MARCHF1: variants seen among roughly 807,000 people sequenced by gnomAD.
MARCHF1 encodes the protein E3 ubiquitin-protein ligase MARCHF1.
MARCHF1 carries 40 observed loss-of-function variants against 54.2 expected under a neutral mutation model. That is an observed-to-expected ratio of 0.74 (90% CI 0.57 to 0.96). The LOEUF (loss-of-function observed/expected upper bound fraction) is 0.96. Ranked by LOEUF, MARCHF1 falls within the 40% of genes least tolerant of loss-of-function variation. The pLI is 0.00. For synonymous variants in MARCHF1, 236 were observed against 236.3 expected (o/e 1.00, Z 0.01); for missense variants, 586 against 656.5 (o/e 0.89, Z 1.17).
chr4:163,753,276 A>T (rs1291372688), intron 4 of MARCHF1, among the ~76,000 whole-genome samples: 2 of 151,618 alleles, frequency 1.3e-5, no homozygotes, highest in South Asian at 4.2e-4. Flanking sequence ...TATTATTATT[A>T]TTTTTGCTTC....
intron 1 of MARCHF1, among the ~76,000 whole-genome samples, chr4:164,357,622 G>T (rs970385146): frequency 6.6e-6 from 1 of 152,104 alleles, no homozygotes; most frequent in East Asian, 1.9e-4. Context: ...TTGAAAAATT[G>T]TAATGCAATT....
chr4:163,834,810 T>C (rs1367339585), intron 4 of MARCHF1, among the ~76,000 whole-genome samples: 1 of 152,168 alleles, frequency 6.6e-6, no homozygotes, highest in Non-Finnish European at 1.5e-5. Flanking sequence ...TTTAGGCATA[T>C]ACTCAGATCA....
intron 8 of MARCHF1, among the ~76,000 whole-genome samples, chr4:163,583,082 T>G (rs1169628211): frequency 2.0e-5 from 3 of 152,196 alleles, no homozygotes; most frequent in African/African-American, 7.2e-5. Context: ...TTCAGATCCC[T>G]ACACAAGTGC....
intron 7 of MARCHF1, among the ~76,000 whole-genome samples, chr4:163,593,814 T>G (rs1253240827): frequency 6.6e-6 from 1 of 152,224 alleles, no homozygotes; most frequent in Non-Finnish European, 1.5e-5. Context: ...AAAATACTGA[T>G]GTTTTACAGC....
chr4:164,102,881 G>A lies in MARCHF1; in HGVS notation c.-248+8707C>T, dbSNP rs1290690880. 2.1e-3 allele frequency among the ~76,000 whole-genome samples: 180 copies of A among 87,584 alleles called. 6 individuals carry two copies. Among genetic ancestry groups the A allele is most frequent in the Middle Eastern group, 5.4e-3 (1 of 184 alleles). 57.5% of individuals were successfully genotyped at this position (87,584 alleles called of 152,430 possible). A position where few individuals can be genotyped will look rare whatever the true frequency, so the allele number is the denominator to read the frequency against. On this transcript the variant is annotated intron_variant, in intron 2 of 9. Transcript: ENST00000514618. ...TATTCAGGAAACCCATCTCACGTGC[G>A]GAGACACACGTAGGCTCAAAATAAA...
intron 1 of MARCHF1, among the ~76,000 whole-genome samples, chr4:164,149,302 C>T (rs748895676): frequency 1.2e-4 from 19 of 152,134 alleles, no homozygotes; most frequent in Non-Finnish European, 2.6e-4. Context: ...AATGGACTAA[C>T]TCAGATATAT....
At position 164,149,972 on chromosome 4, in the gene MARCHF1, TTG is replaced by T. The variant is rs547772916; in HGVS notation, c.-322-38312_-322-38311del. 1.2e-4 allele frequency among the ~76,000 whole-genome samples: 18 copies of T among 152,316 alleles called. No individual in the cohort carries two copies. In the South Asian group the frequency reaches 3.5e-3, roughly 30 times the overall value. On this transcript the variant is annotated intron_variant, in intron 1 of 9. Transcript: ENST00000514618. Reference sequence around the variant, plus strand: ...TCCTGATTTACTGATGAAAATCTCTTTGTTACTCAATAGGATAAATTATTTGT... The same window carrying T: ...TCCTGATTTACTGATGAAAATCTCTTTTACTCAATAGGATAAATTATTTGT...
intron 3 of MARCHF1, among the ~76,000 whole-genome samples, chr4:163,858,234 T>G (rs892837779): frequency 6.6e-5 from 10 of 152,134 alleles, no homozygotes; most frequent in African/African-American, 2.4e-4. Flanking sequence ...CTGGGCTGAT[T>G]TCTCCAAGTG....
intron 1 of MARCHF1, among the ~76,000 whole-genome samples, chr4:164,199,675 C>G (rs370542401): frequency 0.18 from 8,679 of 47,560 alleles, 359 homozygotes; most frequent in Non-Finnish European, 0.23. Context: ...CACACACACA[C>G]ACACACAGAG....
At chr4:163,669,815 T>A (rs1368809596) in intron 5 of MARCHF1, among the ~76,000 whole-genome samples, 1 of 152,076 alleles carries the variant, frequency 6.6e-6, no homozygotes, top group Non-Finnish European at 1.5e-5. Flanking sequence ...GCCAGGGTGA[T>A]CTTGAACTTC....
At chr4:163,850,436 A>G (rs1187880562) in intron 4 of MARCHF1, among the ~76,000 whole-genome samples, 1 of 152,192 alleles carries the variant, frequency 6.6e-6, no homozygotes, top group Non-Finnish European at 1.5e-5. Context: ...TAAAGTTGTG[A>G]ACCTTTTTGA....
chr4:163,639,226 GATTT>G (rs1742466646), intron 5 of MARCHF1, among the ~76,000 whole-genome samples: 1 of 152,074 alleles, frequency 6.6e-6, no homozygotes, highest in African/African-American at 2.4e-5. Context: ...GGAAAGATGA[GATTT>G]ATTTCTTTGA....
chr4:164,148,541 T>C (rs1216493060), intron 1 of MARCHF1, among the ~76,000 whole-genome samples: 1 of 152,130 alleles, frequency 6.6e-6, no homozygotes, highest in Non-Finnish European at 1.5e-5. Context: ...TGTAAAAATC[T>C]TTAGGTGAGC....
chr4:164,217,892 T>A (rs1239343560), intron 1 of MARCHF1, among the ~76,000 whole-genome samples: 3 of 151,924 alleles, frequency 2.0e-5, no homozygotes, highest in Admixed American at 6.6e-5. Context: ...TTAGTGGAGG[T>A]ATTATTATAA....
intron 1 of MARCHF1, among the ~76,000 whole-genome samples, chr4:164,121,954 T>C (rs187366693): frequency 4.9e-4 from 74 of 152,194 alleles, no homozygotes; most frequent in African/African-American, 1.6e-3. Flanking sequence ...AACAAAATAC[T>C]AGCAAACTGA....
chr4:163,827,610 T>C (rs866935067), intron 4 of MARCHF1, among the ~76,000 whole-genome samples: 1 of 152,168 alleles, frequency 6.6e-6, no homozygotes, highest in African/African-American at 2.4e-5. Flanking sequence ...GCCCAATGCC[T>C]GTCACATGGT....
chr4:164,210,808 T>G (rs1246854562), intron 1 of MARCHF1, among the ~76,000 whole-genome samples: 1 of 152,066 alleles, frequency 6.6e-6, no homozygotes, highest in Non-Finnish European at 1.5e-5. Context: ...TAAGCGTCCA[T>G]CAAAGGACAA....
intron 1 of MARCHF1, among the ~76,000 whole-genome samples, chr4:164,233,936 T>C (rs1344437706): frequency 6.6e-6 from 1 of 152,126 alleles, no homozygotes; most frequent in Admixed American, 6.6e-5. Flanking sequence ...GAAAACCAAG[T>C]TTTTCTTACA....
chr4:164,337,831 A>G (rs938112881), intron 1 of MARCHF1, among the ~76,000 whole-genome samples: 4 of 149,840 alleles, frequency 2.7e-5, no homozygotes, highest in African/African-American at 5.1e-5. Context: ...ACCCTGGGGG[A>G]AAAAAAAATG....
Sources: allele counts gnomAD v4.1 joint callset (sites outside exome capture counted in the v4.1 genomes callset), GRCh38; gene constraint gnomAD v4.1.1; transcripts MANE v1.5; gene names NCBI Gene and HGNC (gene_info 2026-07-23, HGNC 2026-07-21).